Variants in CACNA1C observed in about 807,000 individuals in gnomAD.
CACNA1C encodes calcium voltage-gated channel subunit alpha1 C.
In CACNA1C, 30 loss-of-function variants were observed where a neutral mutation model predicts 229.0. That is an observed-to-expected ratio of 0.13 (90% confidence interval 0.10 to 0.18). CACNA1C has a LOEUF of 0.18. Ranked by LOEUF, CACNA1C falls within the 10% of genes least tolerant of loss-of-function variation. The pLI, the probability that CACNA1C is intolerant of heterozygous loss-of-function variation, is 1.00. For synonymous variants in CACNA1C, 1,114 were observed against 1,132.5 expected (o/e 0.98, Z 0.33); for missense variants, 1,658 against 2,845.0 (o/e 0.58, Z 9.49).
chr12:2,006,279 G>T (rs1170752864), intron 1 of CACNA1C, among the ~76,000 whole-genome samples: 1 of 152,006 alleles, frequency 6.6e-6, no homozygotes, highest in Non-Finnish European at 1.5e-5. Flanking sequence ...GTGGTGGCAG[G>T]TACCTGTAAT....
chr12:2,026,495 A>C (rs1180559418), intron 1 of CACNA1C, among the ~76,000 whole-genome samples: 1 of 152,136 alleles, frequency 6.6e-6, no homozygotes, highest in Non-Finnish European at 1.5e-5. Context: ...AGGTGAGGAG[A>C]GCTCTGAATT....
chr12:2,084,124 C>T (rs1042641015), intron 1 of CACNA1C, among the ~76,000 whole-genome samples: 1 of 152,172 alleles, frequency 6.6e-6, no homozygotes, highest in African/African-American at 2.4e-5. Context: ...AAACTTTTCA[C>T]ATAGTCAAAT....
At chr12:2,634,581 G>A (rs1477099572) in intron 30 of CACNA1C, among the ~76,000 whole-genome samples, 4 of 143,740 alleles carry the variant, frequency 2.8e-5, no homozygotes, top group Non-Finnish European at 6.0e-5. Context: ...ACTTTGGAAC[G>A]CATTAGGCCT....
chr12:2,269,294 G>T (rs1190033844), intron 3 of CACNA1C, among the ~76,000 whole-genome samples: 1 of 152,158 alleles, frequency 6.6e-6, no homozygotes, highest in Non-Finnish European at 1.5e-5. Context: ...AATCACCTAG[G>T]TTAAACCTGC....
intron 9 of CACNA1C, among the ~76,000 whole-genome samples, chr12:2,527,229 G>A (rs1341451944): frequency 6.6e-6 from 1 of 152,198 alleles, no homozygotes; most frequent in Non-Finnish European, 1.5e-5. Flanking sequence ...AGTGCCTTGT[G>A]TGCAGGATCA....
chr12:2,360,706 C>G (rs2097536816), intron 3 of CACNA1C, among the ~76,000 whole-genome samples: 2 of 152,240 alleles, frequency 1.3e-5, no homozygotes, highest in African/African-American at 4.8e-5. Context: ...GACACCCGGA[C>G]TGGACAGTCT....
intron 3 of CACNA1C, among the ~76,000 whole-genome samples, chr12:2,142,678 T>C (rs2094359868): frequency 6.6e-6 from 1 of 151,226 alleles, no homozygotes; most frequent in Non-Finnish European, 1.5e-5. Context: ...ATATGGATGA[T>C]CCTGACCAAG....
intron 3 of CACNA1C, among the ~76,000 whole-genome samples, chr12:2,337,663 A>G (rs2096740251): frequency 6.7e-6 from 1 of 148,828 alleles, no homozygotes; most frequent in African/African-American, 2.4e-5. Context: ...TTTGTATAGC[A>G]CTCTACAGTT....
chr12:2,174,584 C>A (rs761354992), intron 3 of CACNA1C, among the ~76,000 whole-genome samples: 3 of 151,974 alleles, frequency 2.0e-5, no homozygotes, highest in Non-Finnish European at 4.4e-5. Context: ...TGTTTGGAAG[C>A]AAATTCCAGC....
At chr12:2,386,302 C>G (rs1046053863) in intron 3 of CACNA1C, among the ~76,000 whole-genome samples, 2 of 152,122 alleles carry the variant, frequency 1.3e-5, no homozygotes, top group African/African-American at 4.8e-5. Context: ...TTTTTTAAAG[C>G]TCCTCCGGTT....
rs1245470134 is a variant in CACNA1C at position 2,606,653 on chromosome 12, G to A, written c.3199G>A (p.Ala1067Thr). The change falls in exon 25 of 47, where the codon GCG becomes ACG. Residue 1067 changes from alanine to threonine, a missense_variant. Physicochemically the swap from Ala to Thr is moderately conservative, Grantham distance 58 (BLOSUM62 0). Transcript: ENST00000399655. ...TTCAGACAGTTCCAAGCAGACAGAG[G>A]CGGAATGCAAGTGAGTAGAGGTGGG... The part of the protein sequence containing the change: ...TCSDSSKQTE[A>T]ECKGNYITYK... 6.2e-7 allele frequency: 1 copy of A among 1,609,340 alleles called. No homozygotes were observed. The highest frequency in any genetic ancestry group is 2.2e-5 in the East Asian group (1 of 44,732).
intron 3 of CACNA1C, among the ~76,000 whole-genome samples, chr12:2,364,527 G>A (rs1007914741): frequency 1.3e-5 from 2 of 152,212 alleles, no homozygotes; most frequent in Admixed American, 6.5e-5. Context: ...TCTTAATACC[G>A]TTCAGAAAAT....
At chr12:2,444,292 A>G (rs2099256591) in intron 3 of CACNA1C, among the ~76,000 whole-genome samples, 3 of 151,970 alleles carry the variant, frequency 2.0e-5, no homozygotes, top group African/African-American at 7.3e-5. Flanking sequence ...CAGAATCCTA[A>G]TTTTTCAGGT....
At chr12:2,650,054 G>A (rs974519304) in intron 31 of CACNA1C, among the ~76,000 whole-genome samples, 12 of 152,172 alleles carry the variant, frequency 7.9e-5, no homozygotes, top group African/African-American at 2.9e-4. Flanking sequence ...CGTGCAGCAG[G>A]TCCCGAGTCC....
intron 3 of CACNA1C, among the ~76,000 whole-genome samples, chr12:2,397,605 A>G (rs898300031): frequency 1.3e-5 from 2 of 152,226 alleles, no homozygotes; most frequent in South Asian, 4.1e-4. Flanking sequence ...TTGCAGGGGA[A>G]TTTATGTGTA....
intron 3 of CACNA1C, among the ~76,000 whole-genome samples, chr12:2,369,761 A>C (rs1272688776): frequency 1.3e-5 from 2 of 152,168 alleles, no homozygotes; most frequent in Non-Finnish European, 2.9e-5. Flanking sequence ...CAAATAGTTA[A>C]ATGAAAGAAA....
At chr12:2,437,405 C>T (rs1427557589) in intron 3 of CACNA1C, among the ~76,000 whole-genome samples, 1 of 152,180 alleles carries the variant, frequency 6.6e-6, no homozygotes, top group Admixed American at 6.5e-5. Context: ...CTGATGGAGT[C>T]CAGCTTTCCC....
chr12:2,110,092 C>G (rs993685993), intron 1 of CACNA1C, among the ~76,000 whole-genome samples: 2 of 152,198 alleles, frequency 1.3e-5, no homozygotes, highest in African/African-American at 4.8e-5. Context: ...TTCCAAGTCC[C>G]CAGCACCAAG....
In CACNA1C at chr12:2,640,067, C is replaced by T. The variant is rs1015449967; in HGVS notation, c.3912+5687C>T. 3.3e-5 allele frequency among the ~76,000 whole-genome samples: 5 copies of T among 152,248 alleles called. No individual in the cohort carries two copies. The South Asian group carries it at 1.0e-3, about 32-fold the overall frequency. On this transcript the variant is annotated intron_variant, in intron 30 of 46. Transcript: ENST00000399655. ...GCTGTGAACATGAGAAGAGGACCGA[C>T]ATGAGGATGACCTGATGAGCACGGA...
Sources: allele counts gnomAD v4.1 joint callset (sites outside exome capture counted in the v4.1 genomes callset), GRCh38; gene constraint gnomAD v4.1.1; transcripts MANE v1.5; gene names NCBI Gene and HGNC (gene_info 2026-07-23, HGNC 2026-07-21).